ERP27: variants seen among roughly 807,000 people sequenced by gnomAD.
ERP27 encodes endoplasmic reticulum protein 27.
Under a neutral mutation model 27.7 loss-of-function variants are expected in ERP27, and 23 were observed. The observed-to-expected ratio is 0.83, with a 90% CI of 0.60 to 1.18. ERP27 has a LOEUF of 1.18. Ranked by LOEUF, ERP27 falls within the 50% of genes most tolerant of loss-of-function variation. ERP27 has a pLI of 0.00. For missense variants in ERP27, 363 were observed against 327.9 expected (o/e 1.11, Z -0.83); for synonymous variants, 159 against 118.3 (o/e 1.34, Z -2.23).
intron 2 of ERP27, among the ~76,000 whole-genome samples, chr12:14,936,406 T>C (rs528604075): frequency 1.1e-3 from 168 of 152,232 alleles, no homozygotes; most frequent in African/African-American, 3.9e-3. Flanking sequence ...AGGCCTTCCA[T>C]AGACGCTGGC....
intron 4 of ERP27, among the ~76,000 whole-genome samples, chr12:14,919,871 C>G (rs896090285): frequency 3.3e-5 from 5 of 152,160 alleles, no homozygotes; most frequent in African/African-American, 1.2e-4. Flanking sequence ...CATGATGTGA[C>G]TTTGAATAAT....
In ERP27 at chr12:14,914,551, T is replaced by G; in HGVS notation, c.*184A>C. 2.0e-6 allele frequency: 1 copy of G among 507,518 alleles called. No homozygotes were observed. 31.4% of individuals were successfully genotyped at this position (507,518 alleles called of 1,614,324 possible). ...GAAAACGAGATTTTAAGACAGGAAA[T>G]GAAGCTCTGTGTGTGTGTGTGTGTG... On this transcript the variant is annotated 3_prime_UTR_variant, in exon 7 of 7. Transcript: ENST00000266397.
intron 3 of ERP27, among the ~76,000 whole-genome samples, chr12:14,934,432 A>C (rs1863744971): frequency 1.3e-5 from 2 of 152,220 alleles, no homozygotes; most frequent in Admixed American, 1.3e-4. Flanking sequence ...GGTATCTTGC[A>C]TAGGGCATAC....
chr12:14,923,516 T>TATCTATC (rs1555098934), intron 3 of ERP27, among the ~76,000 whole-genome samples: 2 of 151,730 alleles, frequency 1.3e-5, no homozygotes, highest in African/African-American at 4.8e-5. Flanking sequence ...TCTATCTATC[T>TATCTATC]ATCTATCTAT....
At chr12:14,921,322 C>T (rs1297170560) in intron 3 of ERP27, among the ~76,000 whole-genome samples, 2 of 152,200 alleles carry the variant, frequency 1.3e-5, no homozygotes, top group South Asian at 2.1e-4. Context: ...GAAGAAGTTA[C>T]TCCTGAAAAG....
rs1430666922 is a variant in ERP27 at position 14,921,038 on chromosome 12, T to C, written c.344A>G (p.Glu115Gly). 6.2e-7 allele frequency: 1 copy of C among 1,613,648 alleles called. No individual in the cohort carries two copies. The highest frequency in any genetic ancestry group is 8.5e-7 in the Non-Finnish European group (1 of 1,179,546). Residue 115 changes from glutamate (E) to glycine (G), a missense_variant, in exon 4 of 7, where the codon GAA becomes GGA. Transcript: ENST00000266397. ...GTCTTCGTCCTCTAAATTCAGTTGT[T>C]CATTGTCTACCTGGATAACACAAAA... is the stretch of plus-strand genomic sequence containing the variant. ...TICLFRLVDN[E>G]QLNLEDEDIE...
Position 14,927,073 on chromosome 12 carries a change from G to A in ERP27, c.334-6025C>T, listed in dbSNP as rs192108338. On this transcript the variant is annotated intron_variant, in intron 3 of 6. Transcript: ENST00000266397. The stretch of plus-strand genomic sequence containing the variant: ...TAACGTTGGCAGTGATTTTCTTTCA[G>A]TATTTGAAAGATATAATGCTTTGTA... Among the ~76,000 whole-genome samples the A allele has an allele frequency of 3.3e-3, 499 of 152,182 alleles. 3 individuals are homozygous for A. The highest frequency in any genetic ancestry group is 0.011 in the African/African-American group (449 of 41,532).
chr12:14,917,302 G>C lies in ERP27; in HGVS notation c.452C>G (p.Thr151Ser). ...TACGCTGTTGAATAACCCAATCACA[G>C]TCTGGCAAGTCGAAATGTGTTACAG... ...LHMVTEYNPV[T>S]VIGLFNSVIQ... The change falls in exon 5 of 7, where the codon ACT (threonine) becomes AGT (serine). Residue 151 changes from threonine to serine, a missense_variant and splice_region_variant. Thr to Ser is a moderately conservative substitution (Grantham distance 58, BLOSUM62 1). Transcript: ENST00000266397. The C allele has an allele frequency of 1.9e-6, 3 of 1,614,130 alleles. No homozygotes were observed. Among genetic ancestry groups the C allele is most frequent in the Non-Finnish European group, 2.5e-6 (3 of 1,180,002 alleles).
At chr12:14,927,762 A>G (rs77862768) in intron 3 of ERP27, among the ~76,000 whole-genome samples, 2 of 151,756 alleles carry the variant, frequency 1.3e-5, no homozygotes, top group African/African-American at 4.8e-5. Context: ...ACACACACAC[A>G]CACACACACA....
chr12:14,931,297 G>C (rs899054486), intron 3 of ERP27, among the ~76,000 whole-genome samples: 1 of 142,912 alleles, frequency 7.0e-6, no homozygotes, highest in Admixed American at 7.3e-5. Context: ...ACTGGATCCA[G>C]AAAATTTTCA....
chr12:14,918,710 A>T (rs1026160942), intron 4 of ERP27, among the ~76,000 whole-genome samples: 1 of 152,192 alleles, frequency 6.6e-6, no homozygotes, highest in Admixed American at 6.5e-5. Flanking sequence ...GATTTTTTAC[A>T]CAAGTTTGTA....
chr12:14,937,884 T>A (rs1863794852), intron 2 of ERP27, 68 bp downstream of exon 2: 2 of 1,310,524 alleles, frequency 1.5e-6, no homozygotes, highest in African/African-American at 2.9e-5. Flanking sequence ...CAGCAGCAGG[T>A]GGCTGCTGTG....
At chr12:14,930,453 T>A (rs1863681202) in intron 3 of ERP27, among the ~76,000 whole-genome samples, 1 of 152,214 alleles carries the variant, frequency 6.6e-6, no homozygotes, top group Admixed American at 6.5e-5. Context: ...GGGTAAACAT[T>A]CAAATAATAT....
chr12:14,929,111 C>T (rs1200817118), intron 3 of ERP27: 9 of 1,502,084 alleles, frequency 6.0e-6, no homozygotes, highest in Non-Finnish European at 8.0e-6. Flanking sequence ...TGCACCTCAG[C>T]TCACATCGCT....
intron 3 of ERP27, chr12:14,928,973 A>T (rs1863655770): frequency 1.3e-6 from 2 of 1,535,198 alleles, no homozygotes; most frequent in African/African-American, 2.7e-5. Flanking sequence ...AGTCTCCTTC[A>T]TACTTAAGGC....
intron 3 of ERP27, among the ~76,000 whole-genome samples, chr12:14,921,736 AT>A (rs1368757566): frequency 1.3e-5 from 2 of 152,188 alleles, no homozygotes; most frequent in African/African-American, 4.8e-5. Flanking sequence ...AAGAAATAGA[AT>A]ATTGCTAGAA....
At chr12:14,923,019 A>C (rs1288976012) in intron 3 of ERP27, among the ~76,000 whole-genome samples, 1 of 150,274 alleles carries the variant, frequency 6.7e-6, no homozygotes, top group Non-Finnish European at 1.5e-5. Context: ...GGTTGCAGTG[A>C]GCCGAGAACG....
chr12:14,932,572 T>C (rs981146099), intron 3 of ERP27, among the ~76,000 whole-genome samples: 3 of 152,242 alleles, frequency 2.0e-5, no homozygotes, highest in Admixed American at 2.0e-4. Flanking sequence ...AGCCTATTTG[T>C]AACATTAAAT....
intron 3 of ERP27, among the ~76,000 whole-genome samples, chr12:14,928,402 GGGGTA>G (rs1863642342): frequency 6.6e-6 from 1 of 152,168 alleles, no homozygotes; most frequent in Admixed American, 6.6e-5. Context: ...GTCTCCCATT[GGGGTA>G]ACTAAAAGCA....
Sources: allele counts gnomAD v4.1 joint callset (sites outside exome capture counted in the v4.1 genomes callset), GRCh38; gene constraint gnomAD v4.1.1; transcripts MANE v1.5; gene names NCBI Gene and HGNC (gene_info 2026-07-23, HGNC 2026-07-21).